Variants in CTNNA3 observed in about 807,000 individuals in gnomAD.
CTNNA3 encodes catenin alpha-3.
A neutral mutation model predicts 95.7 loss-of-function variants in CTNNA3; 76 were observed. That is an observed-to-expected ratio of 0.79 (90% CI 0.66 to 0.96). The LOEUF (loss-of-function observed/expected upper bound fraction) is 0.96. Ranked by LOEUF, CTNNA3 falls within the 40% of genes least tolerant of loss-of-function variation. CTNNA3 has a pLI of 0.00. For synonymous variants in CTNNA3, 431 were observed against 374.4 expected (o/e 1.15, Z -1.74); for missense variants, 1,191 against 1,089.8 (o/e 1.09, Z -1.31).
At chr10:66,546,761 C>T (rs913371077) in intron 10 of CTNNA3, among the ~76,000 whole-genome samples, 1 of 152,134 alleles carries the variant, frequency 6.6e-6, no homozygotes, top group African/African-American at 2.4e-5. Context: ...CCTGGTCCCA[C>T]TCTTGACACG....
chr10:67,003,011 G>T (rs1851771718), intron 7 of CTNNA3, among the ~76,000 whole-genome samples: 2 of 152,042 alleles, frequency 1.3e-5, no homozygotes, highest in Admixed American at 1.3e-4. Context: ...TGCTTTCACG[G>T]TAATTATGAT....
intron 13 of CTNNA3, among the ~76,000 whole-genome samples, chr10:66,132,602 T>C (rs1232789626): frequency 6.6e-6 from 1 of 152,230 alleles, no homozygotes. Flanking sequence ...TGCATGCATA[T>C]GTTTATTGTA....
At chr10:66,701,763 A>G (rs1331637411) in intron 9 of CTNNA3, among the ~76,000 whole-genome samples, 1 of 152,100 alleles carries the variant, frequency 6.6e-6, no homozygotes, top group Non-Finnish European at 1.5e-5. Flanking sequence ...CCTATCCAAT[A>G]CACTTGGAAT....
At chr10:66,066,213 T>C (rs1235838902) in intron 15 of CTNNA3, among the ~76,000 whole-genome samples, 1 of 152,182 alleles carries the variant, frequency 6.6e-6, no homozygotes, top group Non-Finnish European at 1.5e-5. Context: ...TCTTTCCATA[T>C]GTTGTTTTTC....
chr10:67,311,177 A>G (rs964722060), intron 5 of CTNNA3, among the ~76,000 whole-genome samples: 1 of 152,188 alleles, frequency 6.6e-6, no homozygotes, highest in Non-Finnish European at 1.5e-5. Context: ...CTTTTAGGGA[A>G]CCACTTGTGG....
intron 3 of CTNNA3, among the ~76,000 whole-genome samples, chr10:67,589,317 G>T (rs1842726718): frequency 1.3e-5 from 2 of 151,868 alleles, no homozygotes; most frequent in South Asian, 4.2e-4. Flanking sequence ...TATACTCTGG[G>T]TGCCCAGGAC....
At chr10:66,171,855 C>CA (rs1184568406) in intron 13 of CTNNA3, among the ~76,000 whole-genome samples, 1 of 151,214 alleles carries the variant, frequency 6.6e-6, no homozygotes, top group Non-Finnish European at 1.5e-5. Flanking sequence ...CATGAGGGAA[C>CA]AAAAAAAATT....
intron 5 of CTNNA3, among the ~76,000 whole-genome samples, chr10:67,410,544 G>T (rs1349080671): frequency 6.6e-6 from 1 of 151,210 alleles, no homozygotes; most frequent in African/African-American, 2.4e-5. Context: ...AATAGTGTTG[G>T]CAAGAGTACA....
At chr10:67,346,150 T>C (rs1432970343) in intron 5 of CTNNA3, among the ~76,000 whole-genome samples, 1 of 152,194 alleles carries the variant, frequency 6.6e-6, no homozygotes, top group Non-Finnish European at 1.5e-5. Context: ...CCTCACTTTT[T>C]AACTTTTTTG....
At chr10:66,668,422 A>ATATGTG (rs1554832734) in intron 9 of CTNNA3, among the ~76,000 whole-genome samples, 9,266 of 146,920 alleles carry the variant, frequency 0.063, 343 homozygotes, top group African/African-American at 0.094. Context: ...CAACTCTCAT[A>ATATGTG]TGTGTGTGTG....
At chr10:66,497,335 C>CTTTGATGACACT (rs1840132703) in intron 11 of CTNNA3, among the ~76,000 whole-genome samples, 1 of 151,466 alleles carries the variant, frequency 6.6e-6, no homozygotes, top group African/African-American at 2.4e-5. Flanking sequence ...TTTGTCATCA[C>CTTTGATGACACT]TTTGATGACA....
At chr10:67,372,622 A>C (rs183009101) in intron 5 of CTNNA3, among the ~76,000 whole-genome samples, 1 of 152,314 alleles carries the variant, frequency 6.6e-6, no homozygotes, top group East Asian at 1.9e-4. Flanking sequence ...GGATATACAG[A>C]GAACACCACA....
intron 11 of CTNNA3, among the ~76,000 whole-genome samples, chr10:66,395,992 T>G (rs947827584): frequency 6.6e-6 from 1 of 152,006 alleles, no homozygotes; most frequent in Non-Finnish European, 1.5e-5. Flanking sequence ...CATGTCTACA[T>G]GTACCCATTG....
At chr10:67,305,511 A>G (rs569021489) in intron 5 of CTNNA3, among the ~76,000 whole-genome samples, 15 of 152,214 alleles carry the variant, frequency 9.9e-5, no homozygotes, top group African/African-American at 3.4e-4. Flanking sequence ...CTATGCTAAA[A>G]TCTATAGAGA....
At chr10:67,138,855 AT>A (rs1214041791) in intron 7 of CTNNA3, among the ~76,000 whole-genome samples, 1 of 152,126 alleles carries the variant, frequency 6.6e-6, no homozygotes, top group Non-Finnish European at 1.5e-5. Context: ...CAGAAATTAA[AT>A]TTCCTAAGTC....
At chr10:67,525,547 A>G (rs1245334368) in intron 4 of CTNNA3, among the ~76,000 whole-genome samples, 1 of 152,196 alleles carries the variant, frequency 6.6e-6, no homozygotes, top group Non-Finnish European at 1.5e-5. Flanking sequence ...TACATATATA[A>G]ATAAATCTAA....
chr10:66,679,903 C>G (rs914543631), intron 9 of CTNNA3, among the ~76,000 whole-genome samples: 1 of 152,098 alleles, frequency 6.6e-6, no homozygotes, highest in Non-Finnish European at 1.5e-5. Context: ...AAAAGTAAAC[C>G]AATTTCTCCA....
At chr10:66,903,967 A>G (rs1845871629) in intron 7 of CTNNA3, among the ~76,000 whole-genome samples, 1 of 152,198 alleles carries the variant, frequency 6.6e-6, no homozygotes, top group African/African-American at 2.4e-5. Context: ...GGTAATTTAT[A>G]GATTCAAAGT....
Position 67,539,628 on chromosome 10 carries a change from G to A in CTNNA3, c.334C>T (p.Pro112Ser), listed in dbSNP as rs1485074194. 1.9e-6 allele frequency: 3 copies of A among 1,613,584 alleles called. No individual in the cohort carries two copies. The Admixed American group carries it at 5.0e-5, about 27-fold the overall frequency. Residue 112 changes from proline to serine, a missense_variant, in exon 4 of 18, where the codon CCC becomes TCC. Physicochemically the swap from Pro to Ser is moderately conservative, Grantham distance 74 (BLOSUM62 -1). Coordinates refer to ENST00000433211, the MANE Select transcript of CTNNA3 (RefSeq NM_013266.4). ...KVSAERFTDDPCFLPKREAVV... is the reference protein window; with the variant it reads ...KVSAERFTDDSCFLPKREAVV... ...GCCTCCCTTTTTGGGAGAAAACAGG[G>A]GTCATCTGTAAATCTCTCAGCTGAT... is the stretch of plus-strand genomic sequence containing the variant.
Sources: allele counts gnomAD v4.1 joint callset (sites outside exome capture counted in the v4.1 genomes callset), GRCh38; gene constraint gnomAD v4.1.1; transcripts MANE v1.5; gene names NCBI Gene and HGNC (gene_info 2026-07-23, HGNC 2026-07-21).